The following SLC9A9 variants were observed in gnomAD, a reference collection of about 807,000 sequenced individuals.
The protein encoded by SLC9A9 is solute carrier family 9 member A9, also known as sodium/hydrogen exchanger 9.
In SLC9A9, 62 loss-of-function variants were observed where a neutral mutation model predicts 77.8. The observed-to-expected ratio is 0.80, with a 90% CI of 0.65 to 0.98. SLC9A9 has a LOEUF of 0.98. Among genes scored for constraint, SLC9A9 ranks in the 50% least tolerant of loss-of-function variants. SLC9A9 has a pLI of 0.00. For missense variants in SLC9A9, 775 were observed against 774.9 expected, an observed-to-expected ratio of 1.00 and a Z score of 0.00; for synonymous variants, 320 against 283.5, an observed-to-expected ratio of 1.13 and a Z score of -1.29.
At chr3:143,840,580 A>C (rs924971129) in intron 1 of SLC9A9, among the ~76,000 whole-genome samples, 2 of 152,090 alleles carry the variant, frequency 1.3e-5, no homozygotes, top group Non-Finnish European at 2.9e-5. Context: ...GAATATTTCA[A>C]CTCCAGCTAC....
At chr3:143,588,663 G>T (rs1472170817) in intron 6 of SLC9A9, among the ~76,000 whole-genome samples, 1 of 152,242 alleles carries the variant, frequency 6.6e-6, no homozygotes, top group Non-Finnish European at 1.5e-5. Context: ...AATTGAATTA[G>T]TCTGTGGGCT....
chr3:143,541,259 A>G (rs948222015), intron 9 of SLC9A9, among the ~76,000 whole-genome samples: 1 of 152,196 alleles, frequency 6.6e-6, no homozygotes. Flanking sequence ...TGGGCAAAGT[A>G]AGCTTTCACA....
intron 11 of SLC9A9, among the ~76,000 whole-genome samples, chr3:143,474,960 T>A (rs1375285986): frequency 1.7e-3 from 1 of 594 alleles, no homozygotes; most frequent in Non-Finnish European, 2.3e-3. Flanking sequence ...TTCACCCAGG[T>A]TTTTTTTTTT....
intron 12 of SLC9A9, among the ~76,000 whole-genome samples, chr3:143,409,168 AC>A (rs1428107326): frequency 6.6e-6 from 1 of 152,224 alleles, no homozygotes; most frequent in Non-Finnish European, 1.5e-5. Context: ...TTCAGTTACC[AC>A]CACTGGTATT....
chr3:143,550,979 T>G (rs2036871426), intron 9 of SLC9A9, among the ~76,000 whole-genome samples: 8 of 152,208 alleles, frequency 5.3e-5, no homozygotes. Flanking sequence ...TGACTTTACT[T>G]GGAAACGGAG....
At chr3:143,662,430 G>T (rs1243344231) in intron 5 of SLC9A9, among the ~76,000 whole-genome samples, 1 of 152,234 alleles carries the variant, frequency 6.6e-6, no homozygotes, top group Non-Finnish European at 1.5e-5. Context: ...CTGAGGTATT[G>T]GGTTCATCTC....
chr3:143,507,265 T>G (rs1409594543), intron 9 of SLC9A9, among the ~76,000 whole-genome samples: 1 of 152,080 alleles, frequency 6.6e-6, no homozygotes, highest in Non-Finnish European at 1.5e-5. Flanking sequence ...TGGAGTGCAG[T>G]GGCGCGATCT....
At chr3:143,309,892 T>A (rs2108436308) in intron 14 of SLC9A9, among the ~76,000 whole-genome samples, 1 of 152,326 alleles carries the variant, frequency 6.6e-6, no homozygotes, top group East Asian at 1.9e-4. Flanking sequence ...CTCTGTCCCA[T>A]GAAATCCTGT....
chr3:143,410,675 C>G (rs1254837157), intron 12 of SLC9A9, among the ~76,000 whole-genome samples: 1 of 152,150 alleles, frequency 6.6e-6, no homozygotes, highest in Non-Finnish European at 1.5e-5. Flanking sequence ...TTGCACTTTA[C>G]TATTCTTCTT....
chr3:143,435,753 G>A (rs1559914811), intron 12 of SLC9A9, among the ~76,000 whole-genome samples: 1 of 152,168 alleles, frequency 6.6e-6, no homozygotes, highest in Non-Finnish European at 1.5e-5. Flanking sequence ...GATTTGTGGG[G>A]TGATAGGAAG....
At position 143,778,610 on chromosome 3, in the gene SLC9A9, TA is replaced by T. The variant is rs199884542; in HGVS notation, c.533+16390del. ...GGTTAGAAATCATCTGGAAACCATGTAAAAAAATATCTTTATAAGTAGCTGT... is the reference window on the plus strand; with the variant it reads ...GGTTAGAAATCATCTGGAAACCATGTAAAAAATATCTTTATAAGTAGCTGT... On this transcript the variant is annotated intron_variant, in intron 4 of 15. Coordinates refer to ENST00000316549, the MANE Select transcript of SLC9A9 (RefSeq NM_173653.4). 1.5e-4 allele frequency among the ~76,000 whole-genome samples: 23 copies of T among 151,438 alleles called. No individual in the cohort carries two copies. The East Asian group carries it at 2.2e-3, about 15-fold the overall frequency.
At chr3:143,806,151 A>G (rs189595226) in intron 2 of SLC9A9, among the ~76,000 whole-genome samples, 137 of 139,658 alleles carry the variant, frequency 9.8e-4, no homozygotes, top group African/African-American at 3.4e-3. Context: ...AGAGCTTCTC[A>G]CCATTAGACT....
At chr3:143,689,927 T>C (rs760428503) in intron 5 of SLC9A9, among the ~76,000 whole-genome samples, 3 of 152,066 alleles carry the variant, frequency 2.0e-5, no homozygotes, top group Non-Finnish European at 4.4e-5. Flanking sequence ...ATTTCTCTTA[T>C]TTTGTTCTGT....
At position 143,557,599 on chromosome 3, in the gene SLC9A9, T is replaced by C. The variant is rs139496919; in HGVS notation, c.1001-5149A>G. Among the ~76,000 whole-genome samples, 472 of 152,300 alleles carry C rather than the reference T, an allele frequency of 3.1e-3. 2 individuals are homozygous for C. The highest frequency in any genetic ancestry group is 9.7e-3 in the African/African-American group (402 of 41,570). On this transcript the variant is annotated intron_variant, in intron 8 of 15. Transcript: ENST00000316549. The stretch of plus-strand genomic sequence containing the variant: ...TGAATGACTTTGACTAAAATGCTGA[T>C]AGTGATATGGACAATGAAGTCCAGG...
chr3:143,290,233 G>A (rs2029890941), intron 14 of SLC9A9, among the ~76,000 whole-genome samples: 1 of 152,130 alleles, frequency 6.6e-6, no homozygotes, highest in African/African-American at 2.4e-5. Context: ...GCATAAAATG[G>A]GATGGTCCAA....
intron 11 of SLC9A9, among the ~76,000 whole-genome samples, chr3:143,480,638 G>A (rs1404569): frequency 0.5 from 75,366 of 151,996 alleles, 20,371 homozygotes; most frequent in African/African-American, 0.71. Context: ...TCCAAGCTGC[G>A]TGGGGCACCA....
intron 9 of SLC9A9, among the ~76,000 whole-genome samples, chr3:143,522,378 A>T (rs2036316778): frequency 6.6e-6 from 1 of 152,134 alleles, no homozygotes; most frequent in Non-Finnish European, 1.5e-5. Context: ...CAATATATAC[A>T]ATTCTTGCCT....
chr3:143,365,727 C>A (rs1270358818), intron 13 of SLC9A9, among the ~76,000 whole-genome samples: 1 of 152,196 alleles, frequency 6.6e-6, no homozygotes. Context: ...TTTCTCAAAG[C>A]ATTTCTACCC....
chr3:143,623,127 A>G (rs150397506), intron 6 of SLC9A9, among the ~76,000 whole-genome samples: 2,553 of 152,284 alleles, frequency 0.017, 54 homozygotes, highest in African/African-American at 0.058. Context: ...GTCCTTAGAG[A>G]CCTACAAAGA....
Sources: allele counts gnomAD v4.1 joint callset (sites outside exome capture counted in the v4.1 genomes callset), GRCh38; gene constraint gnomAD v4.1.1; transcripts MANE v1.5; gene names NCBI Gene and HGNC (gene_info 2026-07-23, HGNC 2026-07-21).